Variants in MAP1A observed in about 807,000 individuals in gnomAD.
MAP1A encodes microtubule-associated protein 1A.
Under a neutral mutation model 185.9 loss-of-function variants are expected in MAP1A, and 42 were observed. That is an observed-to-expected ratio of 0.23 (90% CI 0.18 to 0.29). The LOEUF is 0.29. Ranked by LOEUF, MAP1A falls within the 10% of genes least tolerant of loss-of-function variation. The probability of loss-of-function intolerance (pLI) is 1.00; values close to 1 mark genes in which losing one functional copy is unlikely to be tolerated. For synonymous variants in MAP1A, 1,229 were observed against 1,335.9 expected, an observed-to-expected ratio of 0.92 and a Z score of 1.74; for missense variants, 2,995 against 3,450.4, an observed-to-expected ratio of 0.87 and a Z score of 3.31.
chr15:43,530,376 G>GACAACCCCTCCCA lies in MAP1A; in HGVS notation c.*152_*153insACAACCCCTCCCA. On this transcript the variant is annotated 3_prime_UTR_variant, in exon 6 of 6. Coordinates refer to ENST00000300231, the MANE Select transcript of MAP1A (RefSeq NM_002373.6). ...GACTTGGGCTGGGCTAAATGGGAGG[G>GACAACCCCTCCCA]GTTGTCCCTCCCCATCATCCATTCC... 2 of 914,386 alleles carry GACAACCCCTCCCA rather than the reference G, an allele frequency of 2.2e-6. No homozygotes were observed. Among genetic ancestry groups the GACAACCCCTCCCA allele is most frequent in the Non-Finnish European group, 3.2e-6 (2 of 617,170 alleles). The allele number at this position is 914,386 out of a possible 1,614,324, so 56.6% of individuals were successfully genotyped here.
rs3809479 is a variant in MAP1A, at chr15:43,511,632, C to T, written c.238+406C>T. 5.3e-5 allele frequency among the ~76,000 whole-genome samples: 8 copies of T among 152,172 alleles called. No homozygotes were observed. The East Asian group carries it at 1.2e-3, about 22-fold the overall frequency. ...CGGGGAGCTTTCTGAACGCCCCGTA[C>T]AAATCTCAAATCTCTGAATGCCAGT... is the stretch of plus-strand genomic sequence containing the variant. On this transcript the variant is annotated intron_variant, in intron 1 of 6. Coordinates refer to the MAP1A transcript ENST00000382031.
chr15:43,526,310 G>C lies in MAP1A; in HGVS notation c.4837G>C (p.Ala1613Pro). ...CAAGGCCATGGAAGAGAAGTTAGAA[G>C]CTCTTCTGGAGAAGACCAAAGCTCT... ...KVKAMEEKLE[A>P]LLEKTKALGL... Residue 1613 changes from alanine to proline, a missense_variant, in exon 4 of 6, where the codon GCT becomes CCT. Physicochemically the swap from Ala to Pro is conservative, Grantham distance 27. Around this residue, in one of 3 missense-constraint regions of MAP1A, gnomAD observed 2,728 missense variants for 2,986.0 expected, o/e 0.91. Coordinates refer to ENST00000300231, the MANE Select transcript of MAP1A (RefSeq NM_002373.6). The surrounding 1 kb of genome is among the most constrained non-coding windows in gnomAD (Gnocchi z 4.7). 6.2e-7 allele frequency: 1 copy of C among 1,613,974 alleles called. No individual in the cohort carries two copies. The highest frequency in any genetic ancestry group is 8.5e-7 in the Non-Finnish European group (1 of 1,179,974).
chr15:43,529,846 G>C lies in MAP1A; in HGVS notation c.8232G>C (p.Lys2744Asn). Residue 2744 changes from lysine to asparagine, a missense_variant, in exon 5 of 6, where the codon AAG becomes AAC. This residue lies in a region of MAP1A where 2,728 missense variants were observed against 2,986.0 expected (regional missense o/e 0.91). Transcript: ENST00000300231. The surrounding 1 kb of genome is among the most constrained non-coding windows in gnomAD (Gnocchi z 4.3). ...RAVLDALLEG[K>N]AQWGENLQVT... ...TGCTGGATGCCCTGCTGGAGGGCAAGGCCCAGTGGGGGGAGAATCTTCAGG... is the reference window on the plus strand; with the variant it reads ...TGCTGGATGCCCTGCTGGAGGGCAACGCCCAGTGGGGGGAGAATCTTCAGG... 1 of 1,613,786 alleles carries C rather than the reference G, an allele frequency of 6.2e-7. No individual in the cohort carries two copies.
rs2140208055 is a variant in MAP1A, at chr15:43,525,353, T to C, written c.3880T>C (p.Ser1294Pro). 1 of 1,613,938 alleles carries C rather than the reference T, an allele frequency of 6.2e-7. No individual in the cohort carries two copies. The highest frequency in any genetic ancestry group is 2.2e-5 in the East Asian group (1 of 44,884). Residue 1294 changes from serine (S) to proline (P), a missense_variant, in exon 4 of 6, where the codon TCT (serine) becomes CCT (proline). Around this residue, in one of 3 missense-constraint regions of MAP1A, gnomAD observed 2,728 missense variants for 2,986.0 expected, o/e 0.91. Coordinates refer to ENST00000300231, the MANE Select transcript of MAP1A (RefSeq NM_002373.6). ...CAGGAAGTCACCTGCCAGCTCATTCTCTCACTCTACACCTTCAGGAAATGG... is the reference window on the plus strand; with the variant it reads ...CAGGAAGTCACCTGCCAGCTCATTCCCTCACTCTACACCTTCAGGAAATGG... ...LDRKSPASSF[S>P]HSTPSGNGKY... is the part of the protein sequence containing the mutation.
chr15:43,521,254 G>C lies in MAP1A; in HGVS notation c.-150-70G>C. On this transcript the variant is annotated intron_variant, in intron 3 of 5. Transcript: ENST00000300231. This position sits in a 1 kb window ranked among gnomAD's most constrained non-coding sequence, Gnocchi z 4.6. ...CACCTTGGAAAGAGGTGAAGATTAG[G>C]GTACTGAATCTAAGTCAGACCAAAA... The C allele has an allele frequency of 6.7e-7, 1 of 1,489,854 alleles. No homozygotes were observed. Among genetic ancestry groups the C allele is most frequent in the South Asian group, 1.3e-5 (1 of 74,976 alleles). The allele number at this position is 1,489,854 out of a possible 1,614,324, so 92.3% of individuals were successfully genotyped here. A position where few individuals can be genotyped will look rare whatever the true frequency, so the allele number is the denominator to read the frequency against.
In MAP1A at chr15:43,528,036, C is replaced by T. The variant is rs536415440; in HGVS notation, c.6563C>T (p.Ser2188Leu). The T allele has an allele frequency of 2.5e-5, 40 of 1,613,962 alleles. No homozygotes were observed. The highest frequency in any genetic ancestry group is 4.0e-5 in the African/African-American group (3 of 75,022). The part of the protein sequence containing the change: ...PQLPSPAEPR[S>L]APCGSLAFSG... ...CTGCCCTCTCCAGCTGAACCCCGCT[C>T]GGCACCCTGTGGCTCCCTTGCCTTC... The change falls in exon 4 of 6, where the codon TCG becomes TTG. Residue 2188 changes from serine (S) to leucine (L), a missense_variant. By Grantham distance (145) the Ser-to-Leu change is moderately radical. Coordinates refer to ENST00000300231, the MANE Select transcript of MAP1A (RefSeq NM_002373.6).
At position 43,529,237 on chromosome 15, in the gene MAP1A, G is replaced by A. The variant is rs771299046; in HGVS notation, c.7764G>A (p.Glu2588=). The change falls in exon 4 of 6, where the codon GAG becomes GAA. Residue 2588 remains glutamate, a synonymous_variant. Transcript: ENST00000300231. This position sits in a 1 kb window ranked among gnomAD's most constrained non-coding sequence, Gnocchi z 4.3. Reference sequence around the variant, plus strand: ...CTGACCCCGAGGGGCTCAGCTCAGAGTCTGGGAGAGTAGAGAGGCTACGGG... The same window carrying A: ...CTGACCCCGAGGGGCTCAGCTCAGAATCTGGGAGAGTAGAGAGGCTACGGG... ...CMADPEGLSS[E]SGRVERLREK... 7 of 1,612,734 alleles carry A rather than the reference G, an allele frequency of 4.3e-6. No homozygotes were observed. In the African/African-American group the frequency reaches 5.3e-5, roughly 12 times the overall value.
chr15:43,528,431 C>G lies in MAP1A; in HGVS notation c.6958C>G (p.Pro2320Ala). Residue 2320 changes from proline to alanine, a missense_variant, in exon 4 of 6, where the codon CCA becomes GCA. By Grantham distance (27) the Pro-to-Ala change is conservative. This residue lies in a region of MAP1A where 2,728 missense variants were observed against 2,986.0 expected (regional missense o/e 0.91). Coordinates refer to ENST00000300231, the MANE Select transcript of MAP1A (RefSeq NM_002373.6). Reference protein sequence around the residue: ...PPASLDLALAPAPSLPGDMGD... With the variant: ...PPASLDLALAAAPSLPGDMGD... Reference sequence around the variant, plus strand: ...AGCTTCACTGGACTTGGCCCTAGCTCCAGCTCCAAGCCTGCCTGGAGACAT... The same window carrying G: ...AGCTTCACTGGACTTGGCCCTAGCTGCAGCTCCAAGCCTGCCTGGAGACAT... 1.2e-6 allele frequency: 2 copies of G among 1,613,614 alleles called. No individual in the cohort carries two copies. Among genetic ancestry groups the G allele is most frequent in the Non-Finnish European group, 1.7e-6 (2 of 1,180,028 alleles).
rs1421754291 is a variant in MAP1A at position 43,523,024 on chromosome 15, C to G, written c.1551C>G (p.Ile517Met). Reference protein sequence around the residue: ...AQKGTVPLPTISGHRELVLSS... With the variant: ...AQKGTVPLPTMSGHRELVLSS... The stretch of plus-strand genomic sequence containing the variant: ...AGGGAACTGTACCACTCCCAACCAT[C>G]AGTGGGCACAGGGAGCTGGTCCTAT... The change falls in exon 4 of 6, where the codon ATC becomes ATG. Residue 517 changes from isoleucine (I) to methionine (M), a missense_variant. Transcript: ENST00000300231. The G allele has an allele frequency of 6.2e-7, 1 of 1,614,074 alleles. No individual in the cohort carries two copies. The highest frequency in any genetic ancestry group is 8.5e-7 in the Non-Finnish European group (1 of 1,180,022).
rs145078659 is a variant in MAP1A at position 43,522,519 on chromosome 15, G to A, written c.1046G>A (p.Arg349His). 567 of 1,613,166 alleles carry A rather than the reference G, an allele frequency of 3.5e-4. 4 individuals carry two copies. The African/African-American group carries it at 6.8e-3, about 19-fold the overall frequency. The change falls in exon 4 of 6, where the codon CGT (arginine) becomes CAT (histidine). Residue 349 changes from arginine (R) to histidine (H), a missense_variant. Physicochemically the swap from Arg to His is conservative, Grantham distance 29. This residue lies in a region of MAP1A where 2,728 missense variants were observed against 2,986.0 expected (regional missense o/e 0.91). Coordinates refer to ENST00000300231, the MANE Select transcript of MAP1A (RefSeq NM_002373.6). The surrounding 1 kb of genome is among the most constrained non-coding windows in gnomAD (Gnocchi z 5.9). ...GTAGAAGAGGGAGCCAAGGAGGCACGTTCAGAGCTGGCCAAGGAGTTAGCC... is the reference window on the plus strand; with the variant it reads ...GTAGAAGAGGGAGCCAAGGAGGCACATTCAGAGCTGGCCAAGGAGTTAGCC... The part of the protein sequence containing the change: ...EVVEEGAKEA[R>H]SELAKELAKT...
chr15:43,521,255 G>A lies in MAP1A; in HGVS notation c.-150-69G>A. ...ACCTTGGAAAGAGGTGAAGATTAGGGTACTGAATCTAAGTCAGACCAAAAC... is the reference window on the plus strand; with the variant it reads ...ACCTTGGAAAGAGGTGAAGATTAGGATACTGAATCTAAGTCAGACCAAAAC... On this transcript the variant is annotated intron_variant, in intron 3 of 5. Transcript: ENST00000300231. This position sits in a 1 kb window ranked among gnomAD's most constrained non-coding sequence, Gnocchi z 4.6. The A allele has an allele frequency of 2.7e-6, 4 of 1,491,456 alleles. No homozygotes were observed. Among genetic ancestry groups the A allele is most frequent in the Non-Finnish European group, 3.6e-6 (4 of 1,123,938 alleles). 92.4% of individuals were successfully genotyped at this position (1,491,456 alleles called of 1,614,324 possible).
chr15:43,525,393 G>C lies in MAP1A; in HGVS notation c.3920G>C (p.Gly1307Ala). Residue 1307 changes from glycine to alanine, a missense_variant, in exon 4 of 6, where the codon GGG becomes GCG. Gly to Ala is a moderately conservative substitution (Grantham distance 60). This residue lies in a region of MAP1A where 2,728 missense variants were observed against 2,986.0 expected (regional missense o/e 0.91). Coordinates refer to ENST00000300231, the MANE Select transcript of MAP1A (RefSeq NM_002373.6). ...TCAGGAAATGGGAAGTACTTACCTGGGGCGATCACAAGCCCTGATGAACAC... is the reference window on the plus strand; with the variant it reads ...TCAGGAAATGGGAAGTACTTACCTGCGGCGATCACAAGCCCTGATGAACAC... ...TPSGNGKYLP[G>A]AITSPDEHIL... 3 of 1,614,094 alleles carry C rather than the reference G, an allele frequency of 1.9e-6. No individual in the cohort carries two copies. The highest frequency in any genetic ancestry group is 2.5e-6 in the Non-Finnish European group (3 of 1,180,036).
chr15:43,528,198 C>T lies in MAP1A; in HGVS notation c.6725C>T (p.Pro2242Leu). 1 of 1,614,152 alleles carries T rather than the reference C, an allele frequency of 6.2e-7. No homozygotes were observed. Among genetic ancestry groups the T allele is most frequent in the Non-Finnish European group, 8.5e-7 (1 of 1,180,036 alleles). The change falls in exon 4 of 6, where the codon CCT becomes CTT. Residue 2242 changes from proline (P) to leucine (L), a missense_variant. By Grantham distance (98) the Pro-to-Leu change is moderately conservative. Transcript: ENST00000300231. ...QLPSPSSPGA[P>L]LLSNLPRPAS... ...CCATCACCCAGTTCTCCTGGGGCCC[C>T]TCTCCTCTCCAATCTGCCACGACCT...
In MAP1A at chr15:43,511,220, G is replaced by T; in HGVS notation, c.232G>T (p.Glu78Ter). Residue 78 changes from glutamate (E) to a stop codon, truncating the protein, a stop_gained, in exon 1 of 7, where the codon GAA becomes TAA. Transcript: ENST00000382031. LOFTEE classifies it high-confidence loss of function. ...GCTGAGGGCCGTGCGGGCCCACCTT[G>T]AACAAGGTGAGCCACTGTTCTGGCT... The T allele has an allele frequency of 6.5e-7, 1 of 1,550,112 alleles. No individual in the cohort carries two copies. Among genetic ancestry groups the T allele is most frequent in the Non-Finnish European group, 8.7e-7 (1 of 1,146,626 alleles).
Position 43,528,347 on chromosome 15 carries a change from G to C in MAP1A, c.6874G>C (p.Gly2292Arg), listed in dbSNP as rs374075283. ...AEQESGELDPGMEPAAHSLWD... is the reference protein window; with the variant it reads ...AEQESGELDPRMEPAAHSLWD... ...ACAGGAGTCTGGAGAGCTGGACCCA[G>C]GAATGGAACCAGCTGCCCACAGCCT... The change falls in exon 4 of 6, where the codon GGA (glycine) becomes CGA (arginine). Residue 2292 changes from glycine (G) to arginine (R), a missense_variant. By Grantham distance (125) the Gly-to-Arg change is moderately radical. Coordinates refer to ENST00000300231, the MANE Select transcript of MAP1A (RefSeq NM_002373.6). 18 of 1,614,088 alleles carry C rather than the reference G, an allele frequency of 1.1e-5. No individual in the cohort carries two copies. The African/African-American group carries it at 2.3e-4, about 20-fold the overall frequency.
Position 43,523,279 on chromosome 15 carries a change from A to G in MAP1A, c.1806A>G (p.Glu602=). 2 of 1,613,542 alleles carry G rather than the reference A, an allele frequency of 1.2e-6. No individual in the cohort carries two copies. Among genetic ancestry groups the G allele is most frequent in the Non-Finnish European group, 1.7e-6 (2 of 1,179,738 alleles). ...AGCTTGTCCCAGAGGTCCCTGAGGA[A>G]CAAGGCAGCAAGGACAGAGGCCTAG... ...EKELVPEVPE[E]QGSKDRGLDS... The change falls in exon 4 of 6, where the codon GAA becomes GAG. Residue 602 remains glutamate, a synonymous_variant. Transcript: ENST00000300231.
rs139604202 is a variant in MAP1A at position 43,526,666 on chromosome 15, T to G, written c.5193T>G (p.Asp1731Glu). The G allele has an allele frequency of 1.4e-4, 222 of 1,613,960 alleles. No homozygotes were observed. The African/African-American group carries it at 2.6e-3, about 19-fold the overall frequency. Residue 1731 changes from aspartate to glutamate, a missense_variant, in exon 4 of 6, where the codon GAT becomes GAG. Physicochemically the swap from Asp to Glu is conservative, Grantham distance 45. This residue lies in a region of MAP1A where 2,728 missense variants were observed against 2,986.0 expected (regional missense o/e 0.91). Coordinates refer to ENST00000300231, the MANE Select transcript of MAP1A (RefSeq NM_002373.6). This position sits in a 1 kb window ranked among gnomAD's most constrained non-coding sequence, Gnocchi z 4.7. Reference sequence around the variant, plus strand: ...AGGAACGGGAAAGCACTTTCCTAGATGAGGGCCCAGATGATGAGCAAGAAG... The same window carrying G: ...AGGAACGGGAAAGCACTTTCCTAGAGGAGGGCCCAGATGATGAGCAAGAAG... ...YTEERESTFL[D>E]EGPDDEQEVP...
chr15:43,511,212 C>G, exon 1 of MAP1A: 1 of 1,550,296 alleles, frequency 6.5e-7, no homozygotes, highest in Non-Finnish European at 8.7e-7. Context: ...GCCGTGCGGG[C>G]CCACCTTGAA....
At position 43,524,542 on chromosome 15, in the gene MAP1A, C is replaced by A. The variant is rs376150296; in HGVS notation, c.3069C>A (p.Asp1023Glu). ...SPVEEKSEPQ[D>E]FQEADSWGDT... ...TGGAAGAAAAGTCTGAGCCCCAAGACTTTCAGGAGGCAGACTCCTGGGGAG... is the reference window on the plus strand; with the variant it reads ...TGGAAGAAAAGTCTGAGCCCCAAGAATTTCAGGAGGCAGACTCCTGGGGAG... Residue 1023 changes from aspartate (D) to glutamate (E), a missense_variant, in exon 4 of 6, where the codon GAC becomes GAA. By Grantham distance (45) the Asp-to-Glu change is conservative. Coordinates refer to ENST00000300231, the MANE Select transcript of MAP1A (RefSeq NM_002373.6). 1 of 1,614,056 alleles carries A rather than the reference C, an allele frequency of 6.2e-7. No individual in the cohort carries two copies. The highest frequency in any genetic ancestry group is 1.3e-5 in the African/African-American group (1 of 74,916).
Sources: allele counts gnomAD v4.1 joint callset (sites outside exome capture counted in the v4.1 genomes callset), GRCh38; gene constraint gnomAD v4.1.1; regional missense constraint gnomAD v4.1.1; non-coding constraint Gnocchi (gnomAD v3.1); transcripts MANE v1.5; gene names NCBI Gene and HGNC (gene_info 2026-07-23, HGNC 2026-07-21).